Variants in LRWD1 observed in about 807,000 individuals in gnomAD.
LRWD1 encodes the protein leucine rich repeats and WD repeat domain containing 1.
Under a neutral mutation model 75.6 loss-of-function variants are expected in LRWD1, and 76 were observed. The ratio of observed to expected loss-of-function variants is 1.01; its 90% CI spans 0.84 to 1.22. The LOEUF (loss-of-function observed/expected upper bound fraction) is 1.22, where lower values mean the gene tolerates loss of function less well. Among genes scored for constraint, LRWD1 ranks in the 50% most tolerant of loss-of-function variants. The probability of loss-of-function intolerance (pLI) is 0.00; values close to 1 mark genes in which losing one functional copy is unlikely to be tolerated. For synonymous variants in LRWD1, 487 were observed against 377.0 expected (o/e 1.29, Z -3.38); for missense variants, 917 against 862.0 (o/e 1.06, Z -0.80).
chr7:102,467,164 T>TGGG (rs1798020194), intron 3 of LRWD1, among the ~76,000 whole-genome samples, 175 bp from the exon 4 acceptor site: 2 of 60,106 alleles, frequency 3.3e-5, no homozygotes, highest in African/African-American at 1.1e-4. Flanking sequence ...TGCTGGGGTG[T>TGGG]GTGTGGGGTG....
chr7:102,466,075 T>G, intron 2 of LRWD1, 24 bp downstream of exon 2: 1 of 1,613,624 alleles, frequency 6.2e-7, no homozygotes, highest in Non-Finnish European at 8.5e-7. Flanking sequence ...TCCCACCAGC[T>G]TCATACCTGG....
rs569864916 is a variant in LRWD1, at chr7:102,467,549, C to T, written c.573+70C>T. 2.0e-5 allele frequency: 32 copies of T among 1,589,192 alleles called. No individual in the cohort carries two copies. In the East Asian group the frequency reaches 5.4e-4, roughly 27 times the overall value. On this transcript the variant is annotated intron_variant, in intron 4 of 14. Coordinates refer to ENST00000292616, the MANE Select transcript of LRWD1 (RefSeq NM_152892.3). ...CTCTAGCTGCCTGGAGGTCCCTGGC[C>T]ATGAAGGGCTGAGGGGCTGTGGGAG...
intron 11 of LRWD1, chr7:102,470,250 T>A: frequency 5.2e-6 from 1 of 193,704 alleles, no homozygotes; most frequent in East Asian, 1.2e-4. Flanking sequence ...GGAGGGCAGG[T>A]GAGGTGGTGT....
At position 102,473,016 on chromosome 7, in the gene LRWD1, C is replaced by T; in HGVS notation, c.1911C>T (p.Asp637=). The T allele has an allele frequency of 5.0e-6, 8 of 1,614,012 alleles. No individual in the cohort carries two copies. The highest frequency in any genetic ancestry group is 6.8e-6 in the Non-Finnish European group (8 of 1,179,962). The change falls in exon 15 of 15, where the codon GAC becomes GAT. Residue 637 remains aspartate, a synonymous_variant. Coordinates refer to ENST00000292616, the MANE Select transcript of LRWD1 (RefSeq NM_152892.3). The part of the protein sequence containing the change: ...ASFTYLTALT[D]SNIVAIWGRM ...TCACCTACCTCACCGCCCTGACGGA[C>T]TCCAACATCGTAGCCATCTGGGGGA... is the stretch of plus-strand genomic sequence containing the variant.
At chr7:102,472,633 CCATCCCGCGGGCTT>C in intron 13 of LRWD1, 24 bp downstream of exon 13, 1 of 1,609,966 alleles carries the variant, frequency 6.2e-7, no homozygotes, top group Non-Finnish European at 8.5e-7. Flanking sequence ...CCTGCCCGCC[CCATCCCGCGGGCTT>C]CCGGGAGCTC....
At chr7:102,472,421 C>T in intron 12 of LRWD1, 33 bp from the exon 13 acceptor site, 3 of 1,542,678 alleles carry the variant, frequency 1.9e-6, no homozygotes, top group Non-Finnish European at 2.6e-6. Flanking sequence ...CTGGGAGGGG[C>T]CACCCTGCAC....
intron 11 of LRWD1, 27 bp from the exon 12 acceptor site, chr7:102,472,191 C>A: frequency 6.4e-7 from 1 of 1,565,846 alleles, no homozygotes; most frequent in South Asian, 1.2e-5. Context: ...AAGGAATGGC[C>A]AACTAGCATC....
intron 7 of LRWD1, 24 bp downstream of exon 7, chr7:102,468,401 G>A: frequency 5.1e-6 from 8 of 1,576,700 alleles, no homozygotes; most frequent in Non-Finnish European, 6.0e-6. Flanking sequence ...GGCAGGCGGG[G>A]CAAGGGCCGC....
Position 102,469,624 on chromosome 7 carries a change from C to G in LRWD1, c.1279C>G (p.Gln427Glu). Residue 427 changes from glutamine (Q) to glutamate (E), a missense_variant, in exon 10 of 15, where the codon CAG (glutamine) becomes GAG (glutamate). Physicochemically the swap from Gln to Glu is conservative, Grantham distance 29. Coordinates refer to ENST00000292616, the MANE Select transcript of LRWD1 (RefSeq NM_152892.3). Reference sequence around the variant, plus strand: ...CCTCTGGGACATCGGGGTGCCCAACCAGGACTACGAATTCCAGGCCAGGTG... The same window carrying G: ...CCTCTGGGACATCGGGGTGCCCAACGAGGACTACGAATTCCAGGCCAGGTG... The part of the protein sequence containing the change: ...IILWDIGVPN[Q>E]DYEFQASQLL... The G allele has an allele frequency of 1.2e-6, 2 of 1,614,206 alleles. No individual in the cohort carries two copies. The highest frequency in any genetic ancestry group is 1.7e-6 in the Non-Finnish European group (2 of 1,180,014).
chr7:102,470,722 G>A (rs1460284085), intron 11 of LRWD1: 1 of 152,272 alleles, frequency 6.6e-6, no homozygotes, highest in African/African-American at 2.4e-5. Context: ...GCCTGGGCGG[G>A]GCACGCCGGG....
At chr7:102,467,625 A>C in intron 4 of LRWD1, 94 bp from the exon 5 acceptor site, 1 of 1,505,456 alleles carries the variant, frequency 6.6e-7, no homozygotes, top group Non-Finnish European at 9.0e-7. Flanking sequence ...CCCTTCCCCA[A>C]CTCTGGAAGC....
Position 102,472,296 on chromosome 7 carries a change from T to C in LRWD1, c.1521T>C (p.Asn507=). 1 of 1,578,768 alleles carries C rather than the reference T, an allele frequency of 6.3e-7. No individual in the cohort carries two copies. Among genetic ancestry groups the C allele is most frequent in the East Asian group, 2.3e-5 (1 of 43,356 alleles). The change falls in exon 12 of 15, where the codon AAT becomes AAC. Residue 507 remains asparagine (N), a synonymous_variant. Transcript: ENST00000292616. The part of the protein sequence containing the change: ...GRRVDGLAFV[N]EDIVASKGSG... ...GAGTGGATGGGCTGGCATTTGTGAA[T>C]GAGGACATCGTGGGTGAGTGAGCTC...
intron 1 of LRWD1, chr7:102,465,544 G>C: frequency 3.2e-6 from 1 of 312,792 alleles, no homozygotes; most frequent in East Asian, 5.8e-5. Context: ...GTGTGGAGTC[G>C]GGAGTAGTGG....
intron 9 of LRWD1, among the ~76,000 whole-genome samples, 185 bp from the exon 10 acceptor site, chr7:102,469,389 C>A (rs1275038696): frequency 6.6e-6 from 1 of 151,564 alleles, no homozygotes; most frequent in Middle Eastern, 3.2e-3. Context: ...GGAGCCACCG[C>A]ATCAGGTTAG....
intron 5 of LRWD1, 39 bp from the exon 6 acceptor site, chr7:102,468,023 C>T: frequency 2.5e-6 from 4 of 1,594,082 alleles, no homozygotes; most frequent in Non-Finnish European, 3.4e-6. Flanking sequence ...AAGGAAGCCC[C>T]AGGCAGACAG....
rs1586738550 is a variant in LRWD1, at chr7:102,467,172, GTGTGTGTGTGTGT to G, written c.433-166_433-154del. On this transcript the variant is annotated intron_variant, in intron 3 of 14. Transcript: ENST00000292616. ...GGGTTGTTGCTGGGGTGTGTGTGGG[GTGTGTGTGTGTGT>G]GTGTGTGTGTGTGTGTGTGTGTGTG... Among the ~76,000 whole-genome samples the G allele has an allele frequency of 6.4e-4, 15 of 23,550 alleles. 1 individual carries two copies. The highest frequency in any genetic ancestry group is 5.1e-3 in the Admixed American group (14 of 2,766). 15.4% of individuals were successfully genotyped at this position (23,550 alleles called of 152,430 possible).
rs1586740634 is a variant in LRWD1, at chr7:102,468,876, A to G, written c.1042A>G (p.Thr348Ala). Reference protein sequence around the residue: ...PGEEFFSVAWTALMVVTQAGH... With the variant: ...PGEEFFSVAWAALMVVTQAGH... The stretch of plus-strand genomic sequence containing the variant: ...CCAGGAGTTCTTTTCTGTGGCCTGG[A>G]CCGCTCTGATGGTGGTCACACAGGC... Residue 348 changes from threonine (T) to alanine (A), a missense_variant, in exon 9 of 15, where the codon ACC (threonine) becomes GCC (alanine). Transcript: ENST00000292616. 1 of 1,611,880 alleles carries G rather than the reference A, an allele frequency of 6.2e-7. No individual in the cohort carries two copies. Among genetic ancestry groups the G allele is most frequent in the Non-Finnish European group, 8.5e-7 (1 of 1,179,936 alleles).
Position 102,472,517 on chromosome 7 carries a change from G to A in LRWD1, c.1598G>A (p.Arg533Gln), listed in dbSNP as rs557391679. The A allele has an allele frequency of 9.6e-6, 15 of 1,561,418 alleles. No homozygotes were observed. The highest frequency in any genetic ancestry group is 2.4e-5 in the East Asian group (1 of 42,194). Residue 533 changes from arginine (R) to glutamine (Q), a missense_variant, in exon 13 of 15, where the codon CGG becomes CAG. Arg to Gln is a conservative substitution (Grantham distance 43, BLOSUM62 1). Transcript: ENST00000292616. Reference sequence around the variant, plus strand: ...AGCTGGAGGCAGACGTGGGGGGGCCGGGGCAGCCAGTCCACGGTGGCAGTG... The same window carrying A: ...AGCTGGAGGCAGACGTGGGGGGGCCAGGGCAGCCAGTCCACGGTGGCAGTG... ...LWSWRQTWGGRGSQSTVAVVV... is the reference protein window; with the variant it reads ...LWSWRQTWGGQGSQSTVAVVV...
At chr7:102,465,403 C>CTGGG in intron 1 of LRWD1, 1 of 410,520 alleles carries the variant, frequency 2.4e-6, no homozygotes, top group East Asian at 4.4e-5. Flanking sequence ...GTTAGAGGGC[C>CTGGG]TGGGAAGCAC....
Sources: allele counts gnomAD v4.1 joint callset (sites outside exome capture counted in the v4.1 genomes callset), GRCh38; gene constraint gnomAD v4.1.1; transcripts MANE v1.5; gene names NCBI Gene and HGNC (gene_info 2026-07-23, HGNC 2026-07-21).